Variants in FKBP15 observed in about 807,000 individuals in gnomAD.
FKBP15 encodes FK506-binding protein 15.
In FKBP15, 106 loss-of-function variants were observed where a neutral mutation model predicts 158.1. The observed-to-expected ratio is 0.67, with a 90% confidence interval of 0.57 to 0.79. The LOEUF (loss-of-function observed/expected upper bound fraction) is 0.79. FKBP15 is among the 30% of genes least tolerant of loss of function. The pLI is 0.00. For synonymous variants in FKBP15, 547 were observed against 548.6 expected (o/e 1.00, Z 0.04); for missense variants, 1,287 against 1,479.1 (o/e 0.87, Z 2.13).
chr9:113,188,396 G>A lies in FKBP15; in HGVS notation c.1269C>T (p.Thr423=). The A allele has an allele frequency of 1.2e-6, 2 of 1,613,340 alleles. No individual in the cohort carries two copies. The highest frequency in any genetic ancestry group is 1.1e-5 in the South Asian group (1 of 91,076). ...HPAHPALPQM[T]SQAPQPSVTG... Reference sequence around the variant, plus strand: ...CTCAGAGAGGTTCCTTACCCTGTGAGGTCATCTGTGGTAACGCTGGATGGG... The same window carrying A: ...CTCAGAGAGGTTCCTTACCCTGTGAAGTCATCTGTGGTAACGCTGGATGGG... Residue 423 remains threonine (T), a synonymous_variant, in exon 13 of 28, where the codon ACC becomes ACT. Coordinates refer to ENST00000238256, the MANE Select transcript of FKBP15 (RefSeq NM_015258.2).
At position 113,211,545 on chromosome 9, in the gene FKBP15, T is replaced by C; in HGVS notation, c.101A>G (p.His34Arg). ...LFGLDQAAAG[H>R]GNEFFQYTAP... Reference sequence around the variant, plus strand: ...TGTGTACTGGAAAAATTCATTTCCATGGCCAGCAGCTGCCTGATCCAGTCC... The same window carrying C: ...TGTGTACTGGAAAAATTCATTTCCACGGCCAGCAGCTGCCTGATCCAGTCC... Residue 34 changes from histidine (H) to arginine (R), a missense_variant, in exon 2 of 28, where the codon CAT becomes CGT. His to Arg is a conservative substitution (Grantham distance 29). Transcript: ENST00000238256. 6.2e-7 allele frequency: 1 copy of C among 1,608,554 alleles called. No individual in the cohort carries two copies. Among genetic ancestry groups the C allele is most frequent in the Non-Finnish European group, 8.5e-7 (1 of 1,177,572 alleles).
In FKBP15 at chr9:113,176,445, TTACAA is replaced by T. The variant is rs1456829524; in HGVS notation, c.2223+87_2223+91del. 4.4e-6 allele frequency: 6 copies of T among 1,361,180 alleles called. No individual in the cohort carries two copies. In the African/African-American group the frequency reaches 8.8e-5, roughly 20 times the overall value. 84.3% of individuals were successfully genotyped at this position (1,361,180 alleles called of 1,614,324 possible). ...CACTTTTCTATATTATTTGTATTTG[TTACAA>T]TAAGCACATACTATTGTAATTTGTA... On this transcript the variant is annotated intron_variant, in intron 21 of 27. Coordinates refer to ENST00000238256, the MANE Select transcript of FKBP15 (RefSeq NM_015258.2).
chr9:113,215,618 GTGTGTGTATATATATA>G (rs1386822946), intron 1 of FKBP15, among the ~76,000 whole-genome samples: 1 of 115,006 alleles, frequency 8.7e-6, no homozygotes, highest in Admixed American at 9.5e-5. Flanking sequence ...GTGTGTGTGT[GTGTGTGTATATATATA>G]TATATATATA....
In FKBP15 at chr9:113,165,863, C is replaced by T. The variant is rs1195079773; in HGVS notation, c.*215G>A. 8.3e-6 allele frequency: 4 copies of T among 484,820 alleles called. No individual in the cohort carries two copies. The highest frequency in any genetic ancestry group is 2.6e-5 in the South Asian group (1 of 38,710). 30.0% of individuals were successfully genotyped at this position (484,820 alleles called of 1,614,324 possible). A position where few individuals can be genotyped will look rare whatever the true frequency, so the allele number is the denominator to read the frequency against. ...CCTTCTTCCAACTTGCTGCTGAAAT[C>T]CCAGTGTTCTTGAAGACAGGGTTAT... On this transcript the variant is annotated 3_prime_UTR_variant, in exon 28 of 28. Coordinates refer to ENST00000238256, the MANE Select transcript of FKBP15 (RefSeq NM_015258.2).
chr9:113,193,392 C>T, intron 11 of FKBP15, 100 bp downstream of exon 11: 3 of 895,578 alleles, frequency 3.3e-6, no homozygotes. Context: ...CTAGGCTGGT[C>T]TTGAACTCCT....
intron 1 of FKBP15, among the ~76,000 whole-genome samples, chr9:113,217,201 GTTTTTTT>G (rs979783485): frequency 1.1e-4 from 10 of 89,416 alleles, no homozygotes; most frequent in East Asian, 4.8e-4. Flanking sequence ...ACCACGCCCA[GTTTTTTT>G]TTTTTTTTTT....
chr9:113,169,075 G>C lies in FKBP15; in HGVS notation c.3485+149C>G, dbSNP rs369575962. The C allele has an allele frequency of 1.1e-4, 127 of 1,111,852 alleles. 1 individual carries two copies. In the East Asian group the frequency reaches 2.1e-3, roughly 18 times the overall value. 68.9% of individuals were successfully genotyped at this position (1,111,852 alleles called of 1,614,324 possible). On this transcript the variant is annotated intron_variant, in intron 26 of 27. Transcript: ENST00000238256. ...GGGCCCGCCACAGAGCCTTGTACATGGTAGGTGTTGTTGAATTAATACATC... is the reference window on the plus strand; with the variant it reads ...GGGCCCGCCACAGAGCCTTGTACATCGTAGGTGTTGTTGAATTAATACATC...
intron 9 of FKBP15, among the ~76,000 whole-genome samples, chr9:113,195,182 T>A (rs1830652403): frequency 6.6e-6 from 1 of 152,170 alleles, no homozygotes; most frequent in Admixed American, 6.5e-5. Flanking sequence ...ACAAAAAAAA[T>A]TTGCAACCTC....
chr9:113,186,359 T>C lies in FKBP15; in HGVS notation c.1388A>G (p.Tyr463Cys), dbSNP rs1291951275. ...ATAAGCGTAGGCTTGCATACCTGCA[T>C]AGGGCTGAGAAACTGACGAGTTACC... ...VSGNAQSFQP[Y>C]AGMQAYAYPQ... Residue 463 changes from tyrosine to cysteine, a missense_variant, in exon 15 of 28, where the codon TAT becomes TGT. Tyr to Cys is a radical substitution (Grantham distance 194). Transcript: ENST00000238256. 2.6e-6 allele frequency: 4 copies of C among 1,555,980 alleles called. No homozygotes were observed. Among genetic ancestry groups the C allele is most frequent in the South Asian group, 1.2e-5 (1 of 84,366 alleles).
At chr9:113,185,910 A>G (rs1830477622) in intron 15 of FKBP15, among the ~76,000 whole-genome samples, 1 of 152,106 alleles carries the variant, frequency 6.6e-6, no homozygotes, top group Admixed American at 6.5e-5. Context: ...TTTTCTCTAA[A>G]CTCTAGCTAC....
Position 113,182,769 on chromosome 9 carries a change from C to G in FKBP15, c.1911G>C (p.Glu637Asp). Residue 637 changes from glutamate to aspartate, a missense_variant, in exon 19 of 28, where the codon GAG becomes GAC. By Grantham distance (45) the Glu-to-Asp change is conservative. Coordinates refer to ENST00000238256, the MANE Select transcript of FKBP15 (RefSeq NM_015258.2). ...TQARVLHAEQ[E>D]KAKVTEELAA... is the part of the protein sequence containing the mutation. ...TTTCTCTCCCCAGTTGCTTTACCTT[C>G]TCTTGTTCAGCATGCAATACTCTTG... is the stretch of plus-strand genomic sequence containing the variant. 6 of 1,613,618 alleles carry G rather than the reference C, an allele frequency of 3.7e-6. No homozygotes were observed. The highest frequency in any genetic ancestry group is 5.1e-6 in the Non-Finnish European group (6 of 1,179,586).
intron 23 of FKBP15, 115 bp from the exon 24 acceptor site, chr9:113,171,821 TAAA>T (rs1364189470): frequency 7.0e-6 from 6 of 852,342 alleles, no homozygotes; most frequent in Non-Finnish European, 9.9e-6. Flanking sequence ...TTGCATATAA[TAAA>T]AAGACAATTT....
intron 14 of FKBP15, 86 bp from the exon 15 acceptor site, chr9:113,186,449 G>T: frequency 2.0e-6 from 2 of 995,034 alleles, no homozygotes; most frequent in Non-Finnish European, 3.1e-6. Flanking sequence ...GAATAAAGTG[G>T]ATGAGCTGGG....
intron 18 of FKBP15, among the ~76,000 whole-genome samples, chr9:113,183,373 T>G (rs888836917): frequency 6.6e-6 from 1 of 152,134 alleles, no homozygotes; most frequent in Non-Finnish European, 1.5e-5. Flanking sequence ...CAGTGAAGTT[T>G]TGGCTGAGTT....
chr9:113,165,951 C>A lies in FKBP15; in HGVS notation c.*127G>T. The A allele has an allele frequency of 1.2e-6, 1 of 833,508 alleles. No homozygotes were observed. The highest frequency in any genetic ancestry group is 1.9e-6 in the Non-Finnish European group (1 of 540,308). 51.6% of individuals were successfully genotyped at this position (833,508 alleles called of 1,614,324 possible). A position where few individuals can be genotyped will look rare whatever the true frequency, so the allele number is the denominator to read the frequency against. ...AAGGTGGCCAACCCACCCTCTGAGC[C>A]CAAATATTGTTCCCAGAATGCTCAC... is the stretch of plus-strand genomic sequence containing the variant. On this transcript the variant is annotated 3_prime_UTR_variant, in exon 28 of 28. Transcript: ENST00000238256.
At position 113,184,877 on chromosome 9, in the gene FKBP15, CTCTTCCAGTAAAGAAAGAAAT is replaced by C. The variant is rs1388259790; in HGVS notation, c.1499-94_1499-74del. On this transcript the variant is annotated intron_variant, in intron 15 of 27. Coordinates refer to ENST00000238256, the MANE Select transcript of FKBP15 (RefSeq NM_015258.2). The surrounding 1 kb of genome is among the most constrained non-coding windows in gnomAD (Gnocchi z 4.5). ...AAACTGTATGAAGAAAAGCTAGTAG[CTCTTCCAGTAAAGAAAGAAAT>C]TAATACTTCCATACACTAGGAAATG... The C allele has an allele frequency of 6.0e-6, 7 of 1,158,254 alleles. No homozygotes were observed. The East Asian group carries it at 1.5e-4, about 25-fold the overall frequency. The allele number at this position is 1,158,254 out of a possible 1,614,324, so 71.7% of individuals were successfully genotyped here. A position where few individuals can be genotyped will look rare whatever the true frequency, so the allele number is the denominator to read the frequency against.
rs1373323202 is a variant in FKBP15, at chr9:113,221,092, G to A, written c.53+99C>T. 3.8e-6 allele frequency: 5 copies of A among 1,315,458 alleles called. No individual in the cohort carries two copies. In the South Asian group the frequency reaches 4.3e-5, roughly 11 times the overall value. The allele number at this position is 1,315,458 out of a possible 1,614,324, so 81.5% of individuals were successfully genotyped here. On this transcript the variant is annotated intron_variant, in intron 1 of 27. Transcript: ENST00000238256. ...CGGAATGTGGCAAGGGTCTCCCCCC[G>A]GAAGTTGGGAAAAGGCCTGAGAAGA...
chr9:113,210,691 T>C (rs887762447), intron 2 of FKBP15, among the ~76,000 whole-genome samples: 1 of 152,138 alleles, frequency 6.6e-6, no homozygotes, highest in African/African-American at 2.4e-5. Flanking sequence ...GAGATTAACA[T>C]CTGAGTCAGT....
rs186825363 is a variant in FKBP15 at position 113,180,389 on chromosome 9, A to G, written c.1915-1588T>C. Among the ~76,000 whole-genome samples the G allele has an allele frequency of 2.3e-3, 338 of 146,788 alleles. 3 individuals carry two copies. The highest frequency in any genetic ancestry group is 8.3e-3 in the African/African-American group (323 of 39,016). On this transcript the variant is annotated intron_variant, in intron 19 of 27. Transcript: ENST00000238256. ...AGACTGAACAGATGCAACTTTTATG[A>G]TCAGAAAAAAATGTGTGTGTGTGTG...
Sources: allele counts gnomAD v4.1 joint callset (sites outside exome capture counted in the v4.1 genomes callset), GRCh38; gene constraint gnomAD v4.1.1; non-coding constraint Gnocchi (gnomAD v3.1); transcripts MANE v1.5; gene names NCBI Gene and HGNC (gene_info 2026-07-23, HGNC 2026-07-21).